USP15: variants seen among roughly 807,000 people sequenced by gnomAD.
The protein encoded by USP15 is ubiquitin carboxyl-terminal hydrolase 15.
Under a neutral mutation model 127.1 loss-of-function variants are expected in USP15, and 18 were observed. The ratio of observed to expected loss-of-function variants is 0.14; its 90% CI spans 0.10 to 0.21. The LOEUF (loss-of-function observed/expected upper bound fraction) is 0.21. Among genes scored for constraint, USP15 ranks in the 10% least tolerant of loss-of-function variants. USP15 has a pLI of 1.00. For synonymous variants in USP15, 364 were observed against 393.7 expected (o/e 0.92, Z 0.89); for missense variants, 805 against 1,159.9 (o/e 0.69, Z 4.44).
intron 1 of USP15, among the ~76,000 whole-genome samples, chr12:62,292,350 T>C (rs1338899529): frequency 6.6e-6 from 1 of 152,188 alleles, no homozygotes; most frequent in East Asian, 1.9e-4. Context: ...CTGTGCTATC[T>C]GGAAATGGGT....
intron 8 of USP15, among the ~76,000 whole-genome samples, chr12:62,378,153 G>A (rs1349361651): frequency 6.6e-6 from 1 of 151,996 alleles, no homozygotes; most frequent in East Asian, 1.9e-4. Flanking sequence ...GTTGCAGTGA[G>A]CCAAGATTGT....
intron 11 of USP15, among the ~76,000 whole-genome samples, chr12:62,386,011 G>A (rs914324104): frequency 6.6e-6 from 1 of 152,018 alleles, no homozygotes; most frequent in African/African-American, 2.4e-5. Flanking sequence ...TAAGGTATAT[G>A]ATAAGTGCTC....
intron 8 of USP15, among the ~76,000 whole-genome samples, chr12:62,376,676 A>G (rs372222868): frequency 3.3e-5 from 5 of 152,298 alleles, no homozygotes; most frequent in Admixed American, 2.0e-4. Context: ...TTGTCATGAT[A>G]CATTCATATA....
At position 62,294,505 on chromosome 12, in the gene USP15, T is replaced by G. The variant is rs1592519812; in HGVS notation, c.217+199T>G. On this transcript the variant is annotated intron_variant, in intron 2 of 21. Transcript: ENST00000280377. ...TATTCTGTATGACAAGTTTTGTTTT[T>G]CATTTATGATGTAATAAGGTTTTAT... 14 of 467,226 alleles carry G rather than the reference T, an allele frequency of 3.0e-5. No individual in the cohort carries two copies. The East Asian group carries it at 6.1e-4, about 21-fold the overall frequency. The allele number at this position is 467,226 out of a possible 1,614,324, so 28.9% of individuals were successfully genotyped here.
At chr12:62,392,429 G>A (rs1184454095) in intron 18 of USP15, 42 bp downstream of exon 18, 5 of 1,422,074 alleles carry the variant, frequency 3.5e-6, no homozygotes, top group Middle Eastern at 2.1e-4. Flanking sequence ...TTTCTTTAAG[G>A]ATTTATTCTG....
At chr12:62,366,994 T>C (rs567379685) in intron 8 of USP15, among the ~76,000 whole-genome samples, 7 of 152,286 alleles carry the variant, frequency 4.6e-5, no homozygotes, top group Admixed American at 2.6e-4. Context: ...TCATCAGGGA[T>C]ATTGGCCTGA....
chr12:62,400,628 A>C (rs567036061), intron 20 of USP15, among the ~76,000 whole-genome samples: 1 of 151,478 alleles, frequency 6.6e-6, no homozygotes, highest in South Asian at 2.1e-4. Flanking sequence ...AAAAAAAAAA[A>C]CACTATAGCA....
At position 62,383,412 on chromosome 12, in the gene USP15, A is replaced by G. The variant is rs142360821; in HGVS notation, c.1090-428A>G. Among the ~76,000 whole-genome samples the G allele has an allele frequency of 4.6e-5, 7 of 152,112 alleles. No homozygotes were observed. In the East Asian group the frequency reaches 5.8e-4, roughly 13 times the overall value. ...TGTCTTAATGAAGCATATCTAACACATACTTTTTCTCCATAAAGCACATCA... is the reference window on the plus strand; with the variant it reads ...TGTCTTAATGAAGCATATCTAACACGTACTTTTTCTCCATAAAGCACATCA... On this transcript the variant is annotated intron_variant, in intron 9 of 21. Coordinates refer to ENST00000280377, the MANE Select transcript of USP15 (RefSeq NM_001252078.2).
In USP15 at chr12:62,311,789, T is replaced by G. The variant is rs2064688494; in HGVS notation, c.349-3001T>G. 2.6e-5 allele frequency among the ~76,000 whole-genome samples: 4 copies of G among 151,736 alleles called. No homozygotes were observed. The South Asian group carries it at 8.3e-4, about 31-fold the overall frequency. On this transcript the variant is annotated intron_variant, in intron 3 of 21. Transcript: ENST00000280377. ...GGAGAACTTCTAGGTTAAAAGACAC[T>G]TAAGAGACGAATTAGTCTATTGGCA...
At chr12:62,287,827 G>A (rs578078690) in intron 1 of USP15, among the ~76,000 whole-genome samples, 22 of 152,130 alleles carry the variant, frequency 1.4e-4, no homozygotes, top group Non-Finnish European at 2.9e-4. Flanking sequence ...AGTTTTCCCT[G>A]TACCATTTAT....
At chr12:62,334,109 TAA>T (rs2065385137) in intron 6 of USP15, 1 of 152,214 alleles carries the variant, frequency 6.6e-6, no homozygotes, top group African/African-American at 2.4e-5. Context: ...GGTAGAATGT[TAA>T]TTTTTGAATA....
At chr12:62,331,179 A>G (rs1256884481) in intron 6 of USP15, among the ~76,000 whole-genome samples, 1 of 152,206 alleles carries the variant, frequency 6.6e-6, no homozygotes, top group South Asian at 2.1e-4. Context: ...ATAATGTTGC[A>G]TAGCACATAA....
At chr12:62,388,920 G>T (rs547577624) in intron 11 of USP15, among the ~76,000 whole-genome samples, 11 of 152,216 alleles carry the variant, frequency 7.2e-5, no homozygotes, top group African/African-American at 2.4e-4. Flanking sequence ...CTTGAATCCA[G>T]GATTTTGAGA....
At position 62,407,715 on chromosome 12, in the gene USP15, AACTCT is replaced by A. The variant is rs1243866586; in HGVS notation, c.*3347_*3351del. 6 of 151,196 alleles carry A rather than the reference AACTCT, an allele frequency of 4.0e-5. No individual in the cohort carries two copies. Among genetic ancestry groups the A allele is most frequent in the South Asian group, 2.1e-4 (1 of 4,760 alleles). The allele number at this position is 151,196 out of a possible 1,614,324, so 9.4% of individuals were successfully genotyped here. On this transcript the variant is annotated 3_prime_UTR_variant, in exon 22 of 22. Transcript: ENST00000280377. ...CAACCCTGAATTTCAGGACTTTGTA[AACTCT>A]ACTCTAGTTTTGCTTTCTGTTTGTT...
At chr12:62,322,215 C>A (rs1409749428) in intron 5 of USP15, among the ~76,000 whole-genome samples, 1 of 152,162 alleles carries the variant, frequency 6.6e-6, no homozygotes, top group Non-Finnish European at 1.5e-5. Flanking sequence ...GCAACCTCTG[C>A]TTCCCAAGTT....
At chr12:62,292,915 G>A (rs575773929) in intron 1 of USP15, among the ~76,000 whole-genome samples, 26 of 152,292 alleles carry the variant, frequency 1.7e-4, no homozygotes, top group African/African-American at 6.3e-4. Context: ...GGGTGCTGGG[G>A]AATGTCAGCA....
rs971603120 is a variant in USP15 at position 62,414,620 on chromosome 12, A to C, written c.*10245A>C. On this transcript the variant is annotated 3_prime_UTR_variant, in exon 22 of 22. Coordinates refer to ENST00000280377, the MANE Select transcript of USP15 (RefSeq NM_001252078.2). The stretch of plus-strand genomic sequence containing the variant: ...CCAAAGTGCTGGGATTACAGGCATG[A>C]ACCACAGCACCTGGCCATGTATTTT... The C allele has an allele frequency of 1.3e-5, 2 of 152,392 alleles. No homozygotes were observed. The highest frequency in any genetic ancestry group is 6.5e-5 in the Admixed American group (1 of 15,304). The allele number at this position is 152,392 out of a possible 1,614,324, so 9.4% of individuals were successfully genotyped here.
At chr12:62,321,734 C>T (rs750928435) in intron 5 of USP15, 125 bp downstream of exon 5, 220 of 662,908 alleles carry the variant, frequency 3.3e-4, no homozygotes, top group Non-Finnish European at 4.5e-4. Flanking sequence ...AAACTCATCT[C>T]TTGTCTTTCC....
intron 6 of USP15, among the ~76,000 whole-genome samples, chr12:62,348,423 C>T (rs1378912840): frequency 2.0e-5 from 3 of 152,130 alleles, no homozygotes; most frequent in Non-Finnish European, 4.4e-5. Context: ...TTCGGGGCCT[C>T]ACTGATTTAA....
Sources: gnomAD v4.1 joint callset for allele counts (sites outside exome capture counted in the v4.1 genomes callset) on GRCh38, gnomAD v4.1.1 for gene constraint, MANE v1.5 for transcripts, NCBI Gene and HGNC (gene_info 2026-07-23, HGNC 2026-07-21) for gene names.